The following ZFAT variants were observed in gnomAD, a reference collection of about 807,000 sequenced individuals.
ZFAT encodes the protein zinc finger and AT-hook domain containing, also known as zinc finger protein ZFAT.
In ZFAT, 64 loss-of-function variants were observed where a neutral mutation model predicts 117.7. The observed-to-expected ratio is 0.54, with a 90% CI of 0.44 to 0.67. The LOEUF (loss-of-function observed/expected upper bound fraction) is 0.67, where lower values mean the gene tolerates loss of function less well. ZFAT is among the 30% of genes least tolerant of loss of function. ZFAT has a pLI of 0.00. For missense variants in ZFAT, 1,433 were observed against 1,584.5 expected (o/e 0.90, Z 1.62); for synonymous variants, 679 against 615.0 (o/e 1.10, Z -1.54).
chr8:134,533,895 C>T (rs910750245), intron 11 of ZFAT, among the ~76,000 whole-genome samples: 15 of 152,344 alleles, frequency 9.8e-5, no homozygotes, highest in African/African-American at 3.4e-4. Context: ...GCCACAGCCC[C>T]TGGTCAGGAG....
At chr8:134,782,785 TTTTCTTTATAAATTACCCA>T in the ZFAT span, among the ~76,000 whole-genome samples, 46 of 132,472 alleles carry the variant, frequency 3.5e-4, no homozygotes, top group African/African-American at 1.5e-3. Context: ...TTAAACCTCT[TTTTCTTTATAAATTACCCA>T]GTCTCGGGTA....
At chr8:134,610,416 T>C in intron 4 of ZFAT, 54 bp downstream of exon 4, 4 of 1,555,116 alleles carry the variant, frequency 2.6e-6, no homozygotes, top group Non-Finnish European at 3.5e-6. Context: ...AGGCTGCCCT[T>C]GGCACAGACT....
chr8:134,635,960 T>G (rs1275646333), intron 3 of ZFAT, among the ~76,000 whole-genome samples: 1 of 152,202 alleles, frequency 6.6e-6, no homozygotes, highest in African/African-American at 2.4e-5. Flanking sequence ...TTGATCCTCA[T>G]GGGTTATTTT....
At chr8:134,705,512 C>G (rs116357626) in intron 1 of ZFAT, among the ~76,000 whole-genome samples, 2,823 of 151,902 alleles carry the variant, frequency 0.019, 77 homozygotes, top group African/African-American at 0.064. Flanking sequence ...CCACCACACT[C>G]AGCCCCCAAT....
chr8:134,643,479 A>C (rs1830705443), intron 2 of ZFAT, among the ~76,000 whole-genome samples: 1 of 152,234 alleles, frequency 6.6e-6, no homozygotes, highest in South Asian at 2.1e-4. Flanking sequence ...TCTAACAGGC[A>C]GTCACTATGG....
chr8:134,633,579 C>A (rs1830025125), intron 3 of ZFAT, among the ~76,000 whole-genome samples: 1 of 152,190 alleles, frequency 6.6e-6, no homozygotes, highest in Non-Finnish European at 1.5e-5. Flanking sequence ...AAAATGACAA[C>A]AAGTAACACT....
the ZFAT span, among the ~76,000 whole-genome samples, chr8:134,753,005 A>C: frequency 6.6e-6 from 1 of 152,202 alleles, no homozygotes; most frequent in Non-Finnish European, 1.5e-5. Flanking sequence ...TTTGGTATCC[A>C]GTGTCCTGCT....
At position 134,512,435 on chromosome 8, in the gene ZFAT, G is replaced by C. The variant is rs1206937643; in HGVS notation, c.3361+40C>G. 1.9e-6 allele frequency: 3 copies of C among 1,607,490 alleles called. No homozygotes were observed. In the South Asian group the frequency reaches 3.3e-5, roughly 18 times the overall value. On this transcript the variant is annotated intron_variant, in intron 14 of 15. Transcript: ENST00000377838. ...GCATTCATTCAGCATGTCTAGGAAA[G>C]ACAGTTCTGAGATGGCAAAGGAAGA...
chr8:134,711,700 C>T (rs184733370), intron 1 of ZFAT, among the ~76,000 whole-genome samples: 1 of 152,334 alleles, frequency 6.6e-6, no homozygotes, highest in East Asian at 1.9e-4. Flanking sequence ...CGGCTCTGGG[C>T]CCACTCTGTC....
chr8:134,581,528 C>A (rs747050959), intron 10 of ZFAT, among the ~76,000 whole-genome samples: 21 of 152,214 alleles, frequency 1.4e-4, no homozygotes, highest in Non-Finnish European at 2.9e-4. Context: ...GGCACTGAGG[C>A]AAGCTACCTG....
At chr8:134,693,564 G>A (rs951555919) in intron 1 of ZFAT, among the ~76,000 whole-genome samples, 2 of 141,012 alleles carry the variant, frequency 1.4e-5, no homozygotes, top group Non-Finnish European at 3.0e-5. Flanking sequence ...CTGTATCAAA[G>A]CATCACATTG....
chr8:134,539,626 C>T (rs16905170), intron 11 of ZFAT, among the ~76,000 whole-genome samples: 6,906 of 152,240 alleles, frequency 0.045, 325 homozygotes, highest in East Asian at 0.24. Context: ...ACTAACCACC[C>T]GTCTGGTATC....
intron 11 of ZFAT, among the ~76,000 whole-genome samples, chr8:134,542,659 C>T (rs1281603118): frequency 1.3e-5 from 2 of 152,218 alleles, no homozygotes; most frequent in African/African-American, 4.8e-5. Flanking sequence ...GCCCCCTGCT[C>T]AGAGCCTTCA....
intron 11 of ZFAT, among the ~76,000 whole-genome samples, chr8:134,545,520 A>G (rs1822626975): frequency 6.6e-6 from 1 of 152,214 alleles, no homozygotes; most frequent in Non-Finnish European, 1.5e-5. Context: ...AAAATGAGAC[A>G]TGGTTTAGAG....
At chr8:134,767,151 G>T in the ZFAT span, 1 of 152,170 alleles carries the variant, frequency 6.6e-6, no homozygotes, top group Non-Finnish European at 1.5e-5. Flanking sequence ...TATATGATCA[G>T]TTTTTATAAA....
At chr8:134,580,010 G>C (rs1237234952) in intron 10 of ZFAT, among the ~76,000 whole-genome samples, 1 of 151,522 alleles carries the variant, frequency 6.6e-6, no homozygotes, top group African/African-American at 2.4e-5. Context: ...TGGCCTCCGA[G>C]AGGTAATCAG....
At chr8:134,694,318 T>A (rs1024065422) in intron 1 of ZFAT, among the ~76,000 whole-genome samples, 4 of 152,220 alleles carry the variant, frequency 2.6e-5, no homozygotes, top group African/African-American at 7.2e-5. Context: ...TGTGGGAGAA[T>A]GTCCTTGTGT....
intron 12 of ZFAT, among the ~76,000 whole-genome samples, chr8:134,529,921 T>C (rs947039425): frequency 1.3e-5 from 2 of 152,174 alleles, no homozygotes; most frequent in Non-Finnish European, 2.9e-5. Context: ...CCATAGTACC[T>C]TCCCTTAGAA....
the ZFAT span, among the ~76,000 whole-genome samples, chr8:134,822,228 C>T: frequency 2.0e-5 from 3 of 152,058 alleles, no homozygotes; most frequent in Non-Finnish European, 4.4e-5. Flanking sequence ...ACTGACCAAT[C>T]GTATAAGCAT....
Sources: allele counts gnomAD v4.1 joint callset (sites outside exome capture counted in the v4.1 genomes callset), GRCh38; gene constraint gnomAD v4.1.1; transcripts MANE v1.5; gene names NCBI Gene and HGNC (gene_info 2026-07-23, HGNC 2026-07-21).